The following SLCO2A1 variants were observed in gnomAD, a reference collection of about 807,000 sequenced individuals.
SLCO2A1 encodes the protein matrin F/G 1.
In SLCO2A1, 60 loss-of-function variants were observed where a neutral mutation model predicts 71.7. The ratio of observed to expected loss-of-function variants is 0.84; its 90% CI spans 0.68 to 1.04. The LOEUF (loss-of-function observed/expected upper bound fraction) is 1.04, where lower values mean the gene tolerates loss of function less well. Among genes scored for constraint, SLCO2A1 ranks in the 50% least tolerant of loss-of-function variants. The probability of loss-of-function intolerance (pLI) is 0.00; values close to 1 mark genes in which losing one functional copy is unlikely to be tolerated. For synonymous variants in SLCO2A1, 308 were observed against 326.7 expected (o/e 0.94, Z 0.62); for missense variants, 745 against 813.4 (o/e 0.92, Z 1.02).
chr3:134,029,352 A>G (rs1419323806), intron 1 of SLCO2A1, among the ~76,000 whole-genome samples: 1 of 152,164 alleles, frequency 6.6e-6, no homozygotes, highest in Non-Finnish European at 1.5e-5. Flanking sequence ...GCGTTCCTCG[A>G]GATGATCTTT....
intron 1 of SLCO2A1, among the ~76,000 whole-genome samples, chr3:133,998,359 G>A (rs941039623): frequency 1.3e-5 from 2 of 152,162 alleles, no homozygotes; most frequent in Non-Finnish European, 2.9e-5. Flanking sequence ...GGAGACAGAT[G>A]TGGGGACAGC....
At chr3:134,018,099 T>C (rs535519791) in intron 1 of SLCO2A1, among the ~76,000 whole-genome samples, 1 of 152,272 alleles carries the variant, frequency 6.6e-6, no homozygotes, top group Non-Finnish European at 1.5e-5. Context: ...GAGCGACCCA[T>C]GGCCCACCTG....
chr3:133,987,027 G>A (rs945121622), intron 1 of SLCO2A1, among the ~76,000 whole-genome samples: 1 of 152,046 alleles, frequency 6.6e-6, no homozygotes, highest in African/African-American at 2.4e-5. Flanking sequence ...GACTGACTGT[G>A]CTGTCAACCC....
intron 7 of SLCO2A1, 64 bp downstream of exon 7, chr3:133,948,829 C>CCCCAG: frequency 6.3e-7 from 1 of 1,588,040 alleles, no homozygotes; most frequent in Non-Finnish European, 8.6e-7. Flanking sequence ...GGGCTGGGGT[C>CCCCAG]CCCCTGGCCA....
intron 3 of SLCO2A1, among the ~76,000 whole-genome samples, chr3:133,963,885 T>G (rs373360492): frequency 2.0e-4 from 30 of 152,358 alleles, no homozygotes; most frequent in African/African-American, 7.2e-4. Context: ...CAACACCCAC[T>G]GGCAGGCTTG....
At chr3:134,010,891 A>G (rs957512597) in intron 1 of SLCO2A1, among the ~76,000 whole-genome samples, 6 of 152,138 alleles carry the variant, frequency 3.9e-5, no homozygotes, top group Admixed American at 3.9e-4. Context: ...ACAATTCATG[A>G]TGAGATCTGG....
At chr3:133,940,864 A>C (rs1933403765) in intron 11 of SLCO2A1, among the ~76,000 whole-genome samples, 1 of 152,132 alleles carries the variant, frequency 6.6e-6, no homozygotes, top group Admixed American at 6.5e-5. Flanking sequence ...AGTTGCAATG[A>C]GCAACTCTGA....
intron 1 of SLCO2A1, among the ~76,000 whole-genome samples, chr3:134,006,040 A>T (rs777512487): frequency 6.6e-6 from 1 of 152,108 alleles, no homozygotes; most frequent in African/African-American, 2.4e-5. Context: ...TGTGTGTAAC[A>T]TAAAACTTGC....
intron 3 of SLCO2A1, among the ~76,000 whole-genome samples, chr3:133,966,956 C>T (rs759311559): frequency 2.2e-4 from 34 of 152,122 alleles, no homozygotes; most frequent in Non-Finnish European, 4.4e-4. Context: ...GTGGGGCTTT[C>T]CCTCATTCTC....
In SLCO2A1 at chr3:133,947,321, G is replaced by C; in HGVS notation, c.1230C>G (p.Ile410Met). 1 of 1,614,144 alleles carries C rather than the reference G, an allele frequency of 6.2e-7. No homozygotes were observed. The highest frequency in any genetic ancestry group is 1.3e-5 in the African/African-American group (1 of 75,004). ...IATTIITISM[I>M]LCVPLFFMGC... ...CCATGAAGAACAAAGGAACACAAAG[G>C]ATCATGGAGATGGTGATGATGGTGG... The change falls in exon 9 of 14, where the codon ATC becomes ATG. Residue 410 changes from isoleucine to methionine, a missense_variant. Physicochemically the swap from Ile to Met is conservative, Grantham distance 10. Transcript: ENST00000310926.
intron 1 of SLCO2A1, among the ~76,000 whole-genome samples, chr3:133,995,914 C>A (rs892980641): frequency 3.3e-5 from 5 of 151,970 alleles, no homozygotes; most frequent in African/African-American, 7.2e-5. Flanking sequence ...TATCTCCCCC[C>A]AAATTTCTGC....
In SLCO2A1 at chr3:133,979,007, C is replaced by A. The variant is rs147634046; in HGVS notation, c.234+474G>T. On this transcript the variant is annotated intron_variant, in intron 2 of 13. Transcript: ENST00000310926. ...TGTGGCCCTCATAAGACAGGAGATGCCTGGGCCCAGGGCTGCTGACCCACC... is the reference window on the plus strand; with the variant it reads ...TGTGGCCCTCATAAGACAGGAGATGACTGGGCCCAGGGCTGCTGACCCACC... 4.5e-3 allele frequency among the ~76,000 whole-genome samples: 688 copies of A among 152,296 alleles called. 3 individuals are homozygous for A. The highest frequency in any genetic ancestry group is 4.6e-3 in the Non-Finnish European group (313 of 68,020).
intron 5 of SLCO2A1, among the ~76,000 whole-genome samples, chr3:133,952,936 C>T (rs35911303): frequency 0.11 from 17,428 of 152,134 alleles, 1,295 homozygotes; most frequent in Non-Finnish European, 0.16. Flanking sequence ...TGTGAGTCAT[C>T]ATCCGTGTGT....
chr3:134,027,463 C>A (rs1343477714), intron 1 of SLCO2A1, among the ~76,000 whole-genome samples: 2 of 152,228 alleles, frequency 1.3e-5, no homozygotes, highest in African/African-American at 4.8e-5. Context: ...TTTGCTCAAT[C>A]GATCACGACC....
intron 2 of SLCO2A1, among the ~76,000 whole-genome samples, chr3:133,975,006 T>C (rs928845044): frequency 2.0e-5 from 3 of 152,198 alleles, no homozygotes; most frequent in Admixed American, 2.0e-4. Flanking sequence ...TCTTTTTTCC[T>C]GAAACACTTC....
chr3:134,026,297 C>T (rs1233373794), intron 1 of SLCO2A1, among the ~76,000 whole-genome samples: 4 of 151,780 alleles, frequency 2.6e-5, no homozygotes, highest in African/African-American at 9.7e-5. Context: ...AAGTTGCAAA[C>T]CGTGTGGACC....
chr3:134,015,652 C>G (rs529656408), intron 1 of SLCO2A1, among the ~76,000 whole-genome samples: 4 of 152,148 alleles, frequency 2.6e-5, no homozygotes, highest in Non-Finnish European at 5.9e-5. Context: ...GATTTAATCA[C>G]GCCACATTGC....
At chr3:133,978,081 T>C (rs1934501641) in intron 2 of SLCO2A1, among the ~76,000 whole-genome samples, 1 of 152,128 alleles carries the variant, frequency 6.6e-6, no homozygotes, top group Non-Finnish European at 1.5e-5. Flanking sequence ...TGCGTGTATA[T>C]GTGCATGCAT....
rs567490724 is a variant in SLCO2A1 at position 133,933,497 on chromosome 3, C to A, written c.*1216G>T. ...AATAAATATATTTGTTGATGAATGA[C>A]CTCCTTCGTTGGCTTCTGTCTCTCA... On this transcript the variant is annotated 3_prime_UTR_variant, in exon 14 of 14. Coordinates refer to ENST00000310926, the MANE Select transcript of SLCO2A1 (RefSeq NM_005630.3). 1 of 152,354 alleles carries A rather than the reference C, an allele frequency of 6.6e-6. No homozygotes were observed. The highest frequency in any genetic ancestry group is 2.1e-4 in the South Asian group (1 of 4,824). 9.4% of individuals were successfully genotyped at this position (152,354 alleles called of 1,614,324 possible). A position where few individuals can be genotyped will look rare whatever the true frequency, so the allele number is the denominator to read the frequency against.
Sources: gnomAD v4.1 joint callset for allele counts (sites outside exome capture counted in the v4.1 genomes callset) on GRCh38, gnomAD v4.1.1 for gene constraint, MANE v1.5 for transcripts, NCBI Gene and HGNC (gene_info 2026-07-23, HGNC 2026-07-21) for gene names.